The following RADIL variants were observed in gnomAD, a reference collection of about 807,000 sequenced individuals.
The protein encoded by RADIL is Rap associating with DIL domain.
A neutral mutation model predicts 97.6 loss-of-function variants in RADIL; 99 were observed. That is an observed-to-expected ratio of 1.01 (90% CI 0.86 to 1.20). The LOEUF is 1.20. RADIL is among the 50% of genes most tolerant of loss of function. The pLI, the probability that RADIL is intolerant of heterozygous loss-of-function variation, is 0.00. For synonymous variants in RADIL, 803 were observed against 691.8 expected (o/e 1.16, Z -2.52); for missense variants, 1,765 against 1,498.9 (o/e 1.18, Z -2.93).
At chr7:4,845,595 T>C (rs768370656) in intron 2 of RADIL, among the ~76,000 whole-genome samples, 11 of 152,202 alleles carry the variant, frequency 7.2e-5, no homozygotes, top group Non-Finnish European at 1.2e-4. Flanking sequence ...TTTCTCCTCC[T>C]TTCTCTATAC....
chr7:4,808,659 C>T (rs1447701228), intron 9 of RADIL: 14 of 951,412 alleles, frequency 1.5e-5, no homozygotes, highest in Non-Finnish European at 1.6e-5. Flanking sequence ...ACTGCCCCTC[C>T]GCGTCCCCTT....
chr7:4,801,499 C>G (rs751700133), intron 12 of RADIL, among the ~76,000 whole-genome samples, 154 bp downstream of exon 12: 5 of 152,220 alleles, frequency 3.3e-5, no homozygotes, highest in Non-Finnish European at 5.9e-5. Flanking sequence ...CAGCCCTGAG[C>G]CCTCTCCATC....
intron 5 of RADIL, among the ~76,000 whole-genome samples, chr7:4,830,684 C>A (rs1783115474): frequency 6.6e-6 from 1 of 151,886 alleles, no homozygotes; most frequent in South Asian, 2.1e-4. Flanking sequence ...TCGAGACCAG[C>A]CTCACCAACA....
Position 4,822,394 on chromosome 7 carries a change from C to T in RADIL, c.1615G>A (p.Gly539Ser), listed in dbSNP as rs1782858768. ...QSMEEQLDIT[G>S]SKESLFSCTL... ...GAATGGAGGGCAGCGCCAGCCGTAC[C>T]TGTGATGTCCAGCTGCTCCTCCATG... The change falls in exon 6 of 15, where the codon GGC (glycine) becomes AGC (serine). Residue 539 changes from glycine (G) to serine (S), a missense_variant and splice_region_variant. Physicochemically the swap from Gly to Ser is moderately conservative, Grantham distance 56. Coordinates refer to ENST00000399583, the MANE Select transcript of RADIL (RefSeq NM_018059.5). The surrounding 1 kb of genome is among the most constrained non-coding windows in gnomAD (Gnocchi z 5.3). The T allele has an allele frequency of 6.2e-7, 1 of 1,609,742 alleles. No individual in the cohort carries two copies. Among genetic ancestry groups the T allele is most frequent in the African/African-American group, 1.3e-5 (1 of 75,054 alleles).
chr7:4,801,874 GC>G lies in RADIL; in HGVS notation c.2620del (p.Ala874LeufsTer117), dbSNP rs1267308630. 7 of 1,589,658 alleles carry G rather than the reference GC, an allele frequency of 4.4e-6. No individual in the cohort carries two copies. Among genetic ancestry groups the G allele is most frequent in the Non-Finnish European group, 6.0e-6 (7 of 1,168,600 alleles). On this transcript the variant is annotated frameshift_variant, in exon 12 of 15. Transcript: ENST00000399583. LOFTEE classifies it high-confidence loss of function. ...TCCAGGGGGGGCCTGTGCCCAGGGA[GC>G]CCCCCTCAAGGGAAGAGTACGCTCC... ...APERTLPLRG[A>X]PWAQAPPGRQ...
rs1054043684 is a variant in RADIL, at chr7:4,883,254, G to GA, written c.-65+341dup. Among the ~76,000 whole-genome samples, 1 of 149,632 alleles carries GA rather than the reference G, an allele frequency of 6.7e-6. No homozygotes were observed. Among genetic ancestry groups the GA allele is most frequent in the Non-Finnish European group, 1.5e-5 (1 of 67,910 alleles). On this transcript the variant is annotated intron_variant, in intron 1 of 14. Transcript: ENST00000399583. The surrounding 1 kb of genome is among the most constrained non-coding windows in gnomAD (Gnocchi z 7.1). ...GGCACAGCCGGGAAAACTGAGGGCCGAGAGTCCCCTGGAGTTGGGGGTCCG... is the reference window on the plus strand; with the variant it reads ...GGCACAGCCGGGAAAACTGAGGGCCGAAGAGTCCCCTGGAGTTGGGGGTCCG...
At chr7:4,850,267 G>C (rs955694099) in intron 2 of RADIL, among the ~76,000 whole-genome samples, 1 of 135,846 alleles carries the variant, frequency 7.4e-6, no homozygotes, top group Non-Finnish European at 1.5e-5. Context: ...CTGTATGTAT[G>C]TATATACATG....
In RADIL at chr7:4,813,752, C is replaced by T. The variant is rs181337745; in HGVS notation, c.2139+1526G>A. On this transcript the variant is annotated intron_variant, in intron 9 of 14. Coordinates refer to ENST00000399583, the MANE Select transcript of RADIL (RefSeq NM_018059.5). The surrounding 1 kb of genome is among the most constrained non-coding windows in gnomAD (Gnocchi z 5.0). ...CAGATGACTTTGTGTTTCTTTCCGG[C>T]TGTGCGGGCTGTCCTCAGTGGAACT... 1.3e-5 allele frequency among the ~76,000 whole-genome samples: 2 copies of T among 152,344 alleles called. No homozygotes were observed. Among genetic ancestry groups the T allele is most frequent in the Admixed American group, 1.3e-4 (2 of 15,306 alleles).
intron 11 of RADIL, among the ~76,000 whole-genome samples, chr7:4,802,368 GGGGCCCCC>G (rs1782121065): frequency 9.3e-6 from 1 of 107,750 alleles, no homozygotes; most frequent in African/African-American, 4.7e-5. Context: ...CGCTGGCTGG[GGGGCCCCC>G]TCCCCGGGTA....
rs1161616936 is a variant in RADIL, at chr7:4,801,606, TG to T, written c.2842+46del. 2.0e-6 allele frequency: 3 copies of T among 1,536,992 alleles called. No individual in the cohort carries two copies. In the African/African-American group the frequency reaches 4.1e-5, roughly 21 times the overall value. On this transcript the variant is annotated intron_variant, in intron 12 of 14. Coordinates refer to ENST00000399583, the MANE Select transcript of RADIL (RefSeq NM_018059.5). ...CAGGGGACCGGCCATCAGGGTGCTG[TG>T]CGGGGTCTGGGGTGGGTTCCCGCCT...
Position 4,816,463 on chromosome 7 carries a change from G to T in RADIL, c.1731C>A (p.Ser577=), listed in dbSNP as rs1230326405. The change falls in exon 8 of 15, where the codon TCC becomes TCA. Residue 577 remains serine (S), a splice_region_variant and synonymous_variant. Coordinates refer to ENST00000399583, the MANE Select transcript of RADIL (RefSeq NM_018059.5). ...GGAGTGCCGGGAGGCAGATGTACAGGGACTGGCGGGGGCAAGAGGAGAACA... is the reference window on the plus strand; with the variant it reads ...GGAGTGCCGGGAGGCAGATGTACAGTGACTGGCGGGGGCAAGAGGAGAACA... ...FQQCVYYVSK[S]LYICLPALLE... 5.6e-6 allele frequency: 9 copies of T among 1,603,642 alleles called. No homozygotes were observed. The highest frequency in any genetic ancestry group is 6.8e-6 in the Non-Finnish European group (8 of 1,174,608).
rs1470876060 is a variant in RADIL at position 4,874,290 on chromosome 7, G to C, written c.535+3315C>G. On this transcript the variant is annotated intron_variant, in intron 2 of 14. Coordinates refer to ENST00000399583, the MANE Select transcript of RADIL (RefSeq NM_018059.5). ...TCTAGCGCAAAGCTTCTGGGCGCGGGCCTGTTTGAGGCAGGGCTGTCCAGC... is the reference window on the plus strand; with the variant it reads ...TCTAGCGCAAAGCTTCTGGGCGCGGCCCTGTTTGAGGCAGGGCTGTCCAGC... 2.0e-5 allele frequency among the ~76,000 whole-genome samples: 3 copies of C among 152,256 alleles called. No homozygotes were observed. The South Asian group carries it at 6.2e-4, about 31-fold the overall frequency.
chr7:4,875,573 C>G (rs1027636395), intron 2 of RADIL, among the ~76,000 whole-genome samples: 4 of 152,168 alleles, frequency 2.6e-5, no homozygotes, highest in African/African-American at 9.7e-5. Flanking sequence ...CAGGCTGATC[C>G]CCAGCCACAC....
At position 4,872,421 on chromosome 7, in the gene RADIL, C is replaced by A. The variant is rs957740747; in HGVS notation, c.535+5184G>T. ...GGGCTCTGCGCGGGTTTAACACTTA[C>A]CCCTCCTGCAAAGGCAAACCAAGCC... On this transcript the variant is annotated intron_variant, in intron 2 of 14. Coordinates refer to ENST00000399583, the MANE Select transcript of RADIL (RefSeq NM_018059.5). This position sits in a 1 kb window ranked among gnomAD's most constrained non-coding sequence, Gnocchi z 5.8. Among the ~76,000 whole-genome samples, 34 of 152,184 alleles carry A rather than the reference C, an allele frequency of 2.2e-4. No homozygotes were observed. The highest frequency in any genetic ancestry group is 8.2e-4 in the African/African-American group (34 of 41,456).
chr7:4,859,874 C>A, intron 2 of RADIL: 1 of 1,491,774 alleles, frequency 6.7e-7, no homozygotes, highest in Non-Finnish European at 9.2e-7. Context: ...CTTTATGAGG[C>A]AAGAATATCC....
At position 4,837,697 on chromosome 7, in the gene RADIL, G is replaced by A. The variant is rs1783337956; in HGVS notation, c.536-1092C>T. ...CACCCACACACATTAACACATACAT[G>A]CACACAAACATGCGCACAGTTCAGA... is the stretch of plus-strand genomic sequence containing the variant. On this transcript the variant is annotated intron_variant, in intron 2 of 14. Coordinates refer to ENST00000399583, the MANE Select transcript of RADIL (RefSeq NM_018059.5). The surrounding 1 kb of genome is among the most constrained non-coding windows in gnomAD (Gnocchi z 5.6). 2.4e-6 allele frequency: 1 copy of A among 415,632 alleles called. No individual in the cohort carries two copies. The highest frequency in any genetic ancestry group is 2.2e-5 in the African/African-American group (1 of 45,828). 25.7% of individuals were successfully genotyped at this position (415,632 alleles called of 1,614,324 possible).
At chr7:4,827,194 G>A (rs927500840) in intron 5 of RADIL, among the ~76,000 whole-genome samples, 5 of 151,954 alleles carry the variant, frequency 3.3e-5, no homozygotes, top group Admixed American at 6.6e-5. Context: ...GTGAAACCCC[G>A]TCTTTACTGA....
At chr7:4,831,326 AATG>A (rs752029561) in intron 5 of RADIL, among the ~76,000 whole-genome samples, 3 of 152,096 alleles carry the variant, frequency 2.0e-5, no homozygotes, top group Non-Finnish European at 2.9e-5. Context: ...GTGGGAGCTA[AATG>A]ATGAGAACAC....
chr7:4,807,860 CCT>C (rs538753845), intron 9 of RADIL, among the ~76,000 whole-genome samples: 1 of 34,628 alleles, frequency 2.9e-5, no homozygotes, highest in Non-Finnish European at 6.2e-5. Context: ...CCCCTCCCTG[CCT>C]CTCTCTCCCC....
Sources: gnomAD v4.1 joint callset for allele counts (sites outside exome capture counted in the v4.1 genomes callset) on GRCh38, gnomAD v4.1.1 for gene constraint, Gnocchi (gnomAD v3.1) non-coding constraint, MANE v1.5 for transcripts, NCBI Gene and HGNC (gene_info 2026-07-23, HGNC 2026-07-21) for gene names.